The following NME8 variants were observed in gnomAD, a reference collection of about 807,000 sequenced individuals.
The protein encoded by NME8 is NME/NM23 family member 8.
In NME8, 72 loss-of-function variants were observed where a neutral mutation model predicts 82.3. The observed-to-expected ratio is 0.87, with a 90% CI of 0.72 to 1.06. The LOEUF (loss-of-function observed/expected upper bound fraction) is 1.06. NME8 is among the 50% of genes least tolerant of loss of function. NME8 has a pLI of 0.00. For synonymous variants in NME8, 267 were observed against 228.5 expected, an observed-to-expected ratio of 1.17 and a Z score of -1.52; for missense variants, 712 against 685.4, an observed-to-expected ratio of 1.04 and a Z score of -0.43.
chr7:37,885,637 T>A (rs1785029898), intron 14 of NME8, among the ~76,000 whole-genome samples: 1 of 152,208 alleles, frequency 6.6e-6, no homozygotes, highest in East Asian at 1.9e-4. Flanking sequence ...ACTAATTGAA[T>A]ATGTACTCTA....
chr7:37,884,649 TA>T (rs1307991080), intron 13 of NME8, among the ~76,000 whole-genome samples: 4 of 152,210 alleles, frequency 2.6e-5, no homozygotes, highest in African/African-American at 9.6e-5. Context: ...GTTACTGGAA[TA>T]GTAGGAAGGT....
chr7:37,865,968 T>A (rs1456652606), intron 10 of NME8, among the ~76,000 whole-genome samples: 1 of 152,104 alleles, frequency 6.6e-6, no homozygotes, highest in African/African-American at 2.4e-5. Context: ...TGTCACCAGC[T>A]TCACAAGAAT....
intron 15 of NME8, among the ~76,000 whole-genome samples, chr7:37,889,570 G>A (rs1416079789): frequency 2.0e-5 from 3 of 151,758 alleles, no homozygotes; most frequent in East Asian, 3.9e-4. Context: ...ATTGATTATT[G>A]ATAATTAATT....
chr7:37,882,465 C>T (rs1257530966), intron 12 of NME8, among the ~76,000 whole-genome samples: 31 of 146,748 alleles, frequency 2.1e-4, no homozygotes, highest in Non-Finnish European at 3.6e-4. Context: ...CCAGCCTGGG[C>T]GACAGAGTGA....
At chr7:37,884,894 A>G (rs1785017252) in intron 13 of NME8, among the ~76,000 whole-genome samples, 2 of 152,236 alleles carry the variant, frequency 1.3e-5, no homozygotes, top group South Asian at 2.1e-4. Flanking sequence ...CAGCAGGACC[A>G]TGGGAACAAT....
intron 12 of NME8, among the ~76,000 whole-genome samples, chr7:37,879,799 C>A (rs2131962698): frequency 6.6e-6 from 1 of 152,288 alleles, no homozygotes; most frequent in Non-Finnish European, 1.5e-5. Context: ...ACCTGTACCA[C>A]TTTCCATTTT....
At chr7:37,876,743 T>C in intron 11 of NME8, 89 bp from the exon 12 acceptor site, 1 of 933,758 alleles carries the variant, frequency 1.1e-6, no homozygotes, top group South Asian at 1.6e-5. Flanking sequence ...AAACTTCTAG[T>C]AATTTCTGAA....
At chr7:37,881,453 T>G (rs975682684) in intron 12 of NME8, among the ~76,000 whole-genome samples, 1 of 152,216 alleles carries the variant, frequency 6.6e-6, no homozygotes, top group African/African-American at 2.4e-5. Context: ...GTGGCGATTA[T>G]GTTAATTGAC....
At chr7:37,873,395 G>A (rs2598030) in intron 11 of NME8, among the ~76,000 whole-genome samples, 82,163 of 147,936 alleles carry the variant, frequency 0.56, 23,955 homozygotes, top group East Asian at 0.68. Context: ...TAGTCTTTAT[G>A]TACCTTTGAA....
chr7:37,859,305 A>G (rs1282577207), intron 6 of NME8, among the ~76,000 whole-genome samples: 2 of 152,034 alleles, frequency 1.3e-5, no homozygotes, highest in East Asian at 3.9e-4. Flanking sequence ...GCCATGTTTC[A>G]TCCATCCTTC....
At chr7:37,884,929 G>A (rs1008222725) in intron 13 of NME8, among the ~76,000 whole-genome samples, 1 of 152,146 alleles carries the variant, frequency 6.6e-6, no homozygotes, top group Non-Finnish European at 1.5e-5. Context: ...CAAGAATCAT[G>A]GCACTCCCCT....
At chr7:37,898,605 A>G (rs1348404292) in intron 17 of NME8, among the ~76,000 whole-genome samples, 1 of 152,216 alleles carries the variant, frequency 6.6e-6, no homozygotes, top group African/African-American at 2.4e-5. Context: ...GCTAAATGAA[A>G]TGTTAGACAC....
At chr7:37,893,878 T>C (rs1785174885) in intron 15 of NME8, among the ~76,000 whole-genome samples, 1 of 152,146 alleles carries the variant, frequency 6.6e-6, no homozygotes, top group Non-Finnish European at 1.5e-5. Flanking sequence ...AGGCTGTCTG[T>C]TGGTTATAAT....
intron 6 of NME8, among the ~76,000 whole-genome samples, chr7:37,857,832 A>G (rs539076301): frequency 6.6e-6 from 1 of 152,326 alleles, no homozygotes; most frequent in South Asian, 2.1e-4. Context: ...GGAACAGGTG[A>G]CTAATTTAAG....
At chr7:37,893,749 C>G (rs934398527) in intron 15 of NME8, among the ~76,000 whole-genome samples, 3 of 152,126 alleles carry the variant, frequency 2.0e-5, no homozygotes, top group African/African-American at 7.2e-5. Context: ...AGGCCTTGCT[C>G]TCTGTTGAGA....
intron 15 of NME8, among the ~76,000 whole-genome samples, chr7:37,890,459 C>T (rs1785112194): frequency 6.6e-6 from 1 of 151,868 alleles, no homozygotes; most frequent in African/African-American, 2.4e-5. Context: ...CATTCAAAGT[C>T]TCCTCTTCTA....
At chr7:37,865,474 T>G (rs770396607) in intron 9 of NME8, 51 bp from the exon 10 acceptor site, 42 of 1,297,958 alleles carry the variant, frequency 3.2e-5, no homozygotes, top group Non-Finnish European at 3.7e-5. Flanking sequence ...CTTAACTTGT[T>G]TTACATGTGA....
intron 10 of NME8, among the ~76,000 whole-genome samples, chr7:37,866,480 G>A (rs1323120859): frequency 6.6e-6 from 1 of 152,016 alleles, no homozygotes; most frequent in African/African-American, 2.4e-5. Flanking sequence ...CCAATTCCTG[G>A]GCCCCACCTC....
chr7:37,878,504 T>C (rs1161408098), intron 12 of NME8, among the ~76,000 whole-genome samples: 1 of 152,204 alleles, frequency 6.6e-6, no homozygotes, highest in Non-Finnish European at 1.5e-5. Flanking sequence ...ATGGACGAGA[T>C]AGTGTAGAAT....
Sources: allele counts gnomAD v4.1 joint callset (sites outside exome capture counted in the v4.1 genomes callset), GRCh38; gene constraint gnomAD v4.1.1; transcripts MANE v1.5; gene names NCBI Gene and HGNC (gene_info 2026-07-23, HGNC 2026-07-21).